The following CLIC4 variants were observed in gnomAD, a reference collection of about 807,000 sequenced individuals.
The protein encoded by CLIC4 is CLIC family member 4, also known as chloride intracellular channel protein 4.
Under a neutral mutation model 24.6 loss-of-function variants are expected in CLIC4, and 13 were observed. The ratio of observed to expected loss-of-function variants is 0.53; its 90% CI spans 0.34 to 0.84. The LOEUF (loss-of-function observed/expected upper bound fraction) is 0.84. Ranked by LOEUF, CLIC4 falls within the 40% of genes least tolerant of loss-of-function variation. The pLI is 0.01. For missense variants in CLIC4, 227 were observed against 301.7 expected (o/e 0.75, Z 1.83); for synonymous variants, 104 against 111.3 (o/e 0.93, Z 0.41).
intron 4 of CLIC4, among the ~76,000 whole-genome samples, chr1:24,831,617 G>T (rs967711201): frequency 6.6e-5 from 10 of 152,006 alleles, no homozygotes; most frequent in African/African-American, 2.4e-4. Context: ...TTCTTGTTCT[G>T]CATTCACTAC....
chr1:24,820,771 A>G (rs6701750), intron 3 of CLIC4, among the ~76,000 whole-genome samples: 3,108 of 152,320 alleles, frequency 0.02, 99 homozygotes, highest in African/African-American at 0.071. Context: ...AGTGCTTATT[A>G]TATAAATTCT....
chr1:24,810,709 G>C (rs1312149690), intron 2 of CLIC4, among the ~76,000 whole-genome samples: 2 of 151,494 alleles, frequency 1.3e-5, no homozygotes, highest in African/African-American at 2.4e-5. Context: ...GGAAATCAAG[G>C]CTGCAGGGAA....
chr1:24,755,499 T>A (rs951576445), intron 1 of CLIC4, among the ~76,000 whole-genome samples: 5 of 151,346 alleles, frequency 3.3e-5, no homozygotes, highest in Non-Finnish European at 7.4e-5. Context: ...TAGACCTAGC[T>A]TTGGCAGGCT....
chr1:24,815,095 G>A (rs1022963511), intron 3 of CLIC4, among the ~76,000 whole-genome samples: 2 of 152,152 alleles, frequency 1.3e-5, no homozygotes, highest in African/African-American at 2.4e-5. Flanking sequence ...GAAATTTTTC[G>A]TTTCCCAGTG....
intron 2 of CLIC4, among the ~76,000 whole-genome samples, chr1:24,812,791 T>C (rs533802996): frequency 3.1e-4 from 47 of 152,206 alleles, no homozygotes; most frequent in Admixed American, 1.6e-3. Context: ...CGATCTTGGC[T>C]CACTGTAACC....
At chr1:24,796,497 A>AT (rs997788038) in intron 1 of CLIC4, among the ~76,000 whole-genome samples, 3 of 151,604 alleles carry the variant, frequency 2.0e-5, no homozygotes, top group African/African-American at 7.3e-5. Context: ...TATAATTCGT[A>AT]TTTTTATTCT....
chr1:24,826,736 A>C (rs572988110), intron 3 of CLIC4, among the ~76,000 whole-genome samples: 1 of 152,172 alleles, frequency 6.6e-6, no homozygotes, highest in African/African-American at 2.4e-5. Context: ...GAACAAGTCA[A>C]CTGTTTCCCC....
chr1:24,809,558 C>T (rs1329140580), intron 2 of CLIC4, among the ~76,000 whole-genome samples: 1 of 152,146 alleles, frequency 6.6e-6, no homozygotes, highest in Non-Finnish European at 1.5e-5. Flanking sequence ...GTAACCTCCG[C>T]CTTCCAGCAA....
Position 24,748,636 on chromosome 1 carries a change from G to A in CLIC4, c.72+3011G>A, listed in dbSNP as rs565968317. ...AGTGATTCTTCTGCCTTTGCCTTCC[G>A]AGGAGCGCATGCACCACTACGCCTG... is the stretch of plus-strand genomic sequence containing the variant. On this transcript the variant is annotated intron_variant, in intron 1 of 5. Coordinates refer to ENST00000374379, the MANE Select transcript of CLIC4 (RefSeq NM_013943.3). 6.3e-4 allele frequency among the ~76,000 whole-genome samples: 95 copies of A among 150,064 alleles called. 1 individual carries two copies. Among genetic ancestry groups the A allele is most frequent in the Non-Finnish European group, 1.0e-3 (70 of 67,648 alleles).
chr1:24,819,331 A>G (rs982705095), intron 3 of CLIC4, among the ~76,000 whole-genome samples: 6 of 152,172 alleles, frequency 3.9e-5, no homozygotes, highest in Non-Finnish European at 8.8e-5. Flanking sequence ...CATGCATATA[A>G]TTAGAATGCC....
At chr1:24,762,454 A>T (rs1183955407) in intron 1 of CLIC4, among the ~76,000 whole-genome samples, 6 of 152,138 alleles carry the variant, frequency 3.9e-5, no homozygotes, top group African/African-American at 1.4e-4. Context: ...CATTGTGTGG[A>T]TGAGTAAAGA....
intron 1 of CLIC4, among the ~76,000 whole-genome samples, chr1:24,781,981 C>T (rs953549588): frequency 2.6e-5 from 4 of 152,018 alleles, no homozygotes; most frequent in East Asian, 1.9e-4. Context: ...GACTATTGTA[C>T]GCTTTATGGT....
chr1:24,812,440 AG>A (rs1279224735), intron 2 of CLIC4, among the ~76,000 whole-genome samples: 1 of 152,164 alleles, frequency 6.6e-6, no homozygotes, highest in Non-Finnish European at 1.5e-5. Flanking sequence ...TTTGCCAAAA[AG>A]AAAAAAAAAG....
At chr1:24,825,724 C>G (rs1230780959) in intron 3 of CLIC4, among the ~76,000 whole-genome samples, 2 of 152,178 alleles carry the variant, frequency 1.3e-5, no homozygotes, top group African/African-American at 4.8e-5. Context: ...GAAGATATAT[C>G]TCTTCCTGAA....
In CLIC4 at chr1:24,843,203, C is replaced by T. The variant is rs1472450710; in HGVS notation, c.*2266C>T. 6.6e-6 allele frequency: 1 copy of T among 152,142 alleles called. No individual in the cohort carries two copies. Among genetic ancestry groups the T allele is most frequent in the Non-Finnish European group, 1.5e-5 (1 of 68,006 alleles). The allele number at this position is 152,142 out of a possible 1,614,324, so 9.4% of individuals were successfully genotyped here. A position where few individuals can be genotyped will look rare whatever the true frequency, so the allele number is the denominator to read the frequency against. On this transcript the variant is annotated 3_prime_UTR_variant, in exon 6 of 6. Coordinates refer to ENST00000374379, the MANE Select transcript of CLIC4 (RefSeq NM_013943.3). ...TGTAGAAACACAGATACCACTTTATCAGGGAAGTTAGTCAAATGAAATGGA... is the reference window on the plus strand; with the variant it reads ...TGTAGAAACACAGATACCACTTTATTAGGGAAGTTAGTCAAATGAAATGGA...
chr1:24,765,527 C>T (rs965778376), intron 1 of CLIC4, among the ~76,000 whole-genome samples: 3 of 152,038 alleles, frequency 2.0e-5, no homozygotes, highest in African/African-American at 4.8e-5. Context: ...CTTGTTTTTC[C>T]TTGCAAAGTA....
intron 1 of CLIC4, among the ~76,000 whole-genome samples, chr1:24,756,673 A>G (rs1638854617): frequency 6.6e-6 from 1 of 152,198 alleles, no homozygotes; most frequent in Admixed American, 6.5e-5. Context: ...AATCTGAACA[A>G]ATATTGAAGA....
Position 24,831,259 on chromosome 1 carries a change from C to T in CLIC4, c.415+4143C>T, listed in dbSNP as rs373572296. On this transcript the variant is annotated intron_variant, in intron 4 of 5. Coordinates refer to ENST00000374379, the MANE Select transcript of CLIC4 (RefSeq NM_013943.3). ...AATTTATTTAAATGAGACAAGGTCT[C>T]ACCACATTGCCCAGGCTGGTCTTGA... Among the ~76,000 whole-genome samples the T allele has an allele frequency of 7.1e-4, 108 of 152,242 alleles. 3 individuals carry two copies. The South Asian group carries it at 0.022, about 31-fold the overall frequency.
intron 1 of CLIC4, among the ~76,000 whole-genome samples, chr1:24,781,954 A>G (rs1459228543): frequency 6.6e-6 from 1 of 152,168 alleles, no homozygotes; most frequent in Non-Finnish European, 1.5e-5. Context: ...CGGGCCTTGT[A>G]GGACCTAATT....
Sources: allele counts gnomAD v4.1 joint callset (sites outside exome capture counted in the v4.1 genomes callset), GRCh38; gene constraint gnomAD v4.1.1; transcripts MANE v1.5; gene names NCBI Gene and HGNC (gene_info 2026-07-23, HGNC 2026-07-21).